Variants in OLFM3 observed in about 807,000 individuals in gnomAD.
OLFM3 encodes the protein olfactomedin 3, also known as noelin-3.
OLFM3 carries 20 observed loss-of-function variants against 48.6 expected under a neutral mutation model. The observed-to-expected ratio is 0.41, with a 90% CI of 0.29 to 0.60. The LOEUF is 0.60. OLFM3 is among the 20% of genes least tolerant of loss of function. The pLI is 0.28. For missense variants in OLFM3, 437 were observed against 544.3 expected (o/e 0.80, Z 1.96); for synonymous variants, 222 against 198.1 (o/e 1.12, Z -1.01).
chr1:101,927,991 G>A (rs957786806), intron 1 of OLFM3, among the ~76,000 whole-genome samples: 1 of 151,984 alleles, frequency 6.6e-6, no homozygotes, highest in Non-Finnish European at 1.5e-5. Flanking sequence ...ATATGTCAAA[G>A]AGAAGGTATA....
chr1:101,894,867 T>C (rs367611551), intron 1 of OLFM3, among the ~76,000 whole-genome samples: 8 of 152,300 alleles, frequency 5.3e-5, no homozygotes, highest in East Asian at 1.9e-4. Context: ...TCCAGTAGCA[T>C]GTTTGGAAAT....
intron 4 of OLFM3, among the ~76,000 whole-genome samples, chr1:101,818,920 A>G (rs2100884817): frequency 6.6e-6 from 1 of 152,230 alleles, no homozygotes; most frequent in South Asian, 2.1e-4. Flanking sequence ...ACTGTGTTTC[A>G]GGTATATTGC....
intron 1 of OLFM3, among the ~76,000 whole-genome samples, chr1:101,979,434 T>C (rs1396859643): frequency 6.6e-6 from 1 of 152,220 alleles, no homozygotes; most frequent in Admixed American, 6.5e-5. Flanking sequence ...TCTCCCATGC[T>C]GTTCTCGTGA....
intron 1 of OLFM3, among the ~76,000 whole-genome samples, chr1:101,965,639 T>C (rs998498142): frequency 3.3e-5 from 5 of 152,184 alleles, no homozygotes; most frequent in Non-Finnish European, 4.4e-5. Context: ...GCTAAGATAT[T>C]GTTCATAGGT....
At chr1:101,976,292 T>C (rs1294302822) in intron 1 of OLFM3, among the ~76,000 whole-genome samples, 2 of 152,226 alleles carry the variant, frequency 1.3e-5, no homozygotes, top group African/African-American at 4.8e-5. Flanking sequence ...TCTGACCTGG[T>C]ATTATCAGTA....
chr1:101,856,505 C>T (rs770144475), intron 1 of OLFM3, among the ~76,000 whole-genome samples: 10 of 151,892 alleles, frequency 6.6e-5, no homozygotes, highest in Non-Finnish European at 1.3e-4. Flanking sequence ...CAGTGACTTA[C>T]GTCTGAACAT....
intron 4 of OLFM3, among the ~76,000 whole-genome samples, chr1:101,810,636 T>G (rs1482965075): frequency 6.6e-6 from 1 of 151,924 alleles, no homozygotes; most frequent in Non-Finnish European, 1.5e-5. Flanking sequence ...AGGAAGTAGA[T>G]GAAAATGGAA....
intron 1 of OLFM3, among the ~76,000 whole-genome samples, chr1:101,871,734 AAT>A (rs1476432501): frequency 3.3e-5 from 5 of 152,092 alleles, no homozygotes; most frequent in East Asian, 1.9e-4. Context: ...ATACCATATA[AAT>A]ATGATTTATA....
chr1:101,860,666 G>A (rs1300703168), intron 1 of OLFM3, among the ~76,000 whole-genome samples: 1 of 151,940 alleles, frequency 6.6e-6, no homozygotes, highest in Non-Finnish European at 1.5e-5. Context: ...TCAACTTCAT[G>A]AAATCATGTA....
intron 1 of OLFM3, among the ~76,000 whole-genome samples, chr1:101,844,742 G>A (rs1655902357): frequency 6.6e-6 from 1 of 152,020 alleles, no homozygotes; most frequent in Admixed American, 6.5e-5. Context: ...TCTGACTTAA[G>A]ACCTCTTTTA....
intron 1 of OLFM3, among the ~76,000 whole-genome samples, chr1:101,977,473 A>G (rs1660986677): frequency 6.6e-6 from 1 of 152,162 alleles, no homozygotes; most frequent in African/African-American, 2.4e-5. Flanking sequence ...GGGAGACCTG[A>G]ACTGAACATG....
rs555012532 is a variant in OLFM3 at position 101,921,685 on chromosome 1, A to G, written c.69+75063T>C. On this transcript the variant is annotated intron_variant, in intron 1 of 5. Transcript: ENST00000370103. ...TACAACAAAATTTTTTGAGCATAAT[A>G]AATGCATTAAAGGTGCTATCTGATT... Among the ~76,000 whole-genome samples the G allele has an allele frequency of 5.1e-4, 78 of 152,320 alleles. 2 individuals carry two copies. The South Asian group carries it at 0.016, about 31-fold the overall frequency.
At chr1:101,983,192 T>C (rs1370570563) in intron 1 of OLFM3, among the ~76,000 whole-genome samples, 2 of 152,236 alleles carry the variant, frequency 1.3e-5, no homozygotes, top group Non-Finnish European at 2.9e-5. Context: ...ACTCAAGTCA[T>C]GTAAAAAAGC....
At chr1:101,973,036 A>G (rs1199806326) in intron 1 of OLFM3, among the ~76,000 whole-genome samples, 1 of 152,234 alleles carries the variant, frequency 6.6e-6, no homozygotes, top group African/African-American at 2.4e-5. Flanking sequence ...GGCTGTTTAA[A>G]TGTTTTAGAA....
At chr1:101,856,452 T>C (rs61149341) in intron 1 of OLFM3, among the ~76,000 whole-genome samples, 6,345 of 151,964 alleles carry the variant, frequency 0.042, 326 homozygotes, top group East Asian at 0.21. Context: ...AGTAACTCAA[T>C]TGAAAAACAA....
At chr1:101,897,374 T>C (rs759912105) in intron 1 of OLFM3, among the ~76,000 whole-genome samples, 17 of 152,206 alleles carry the variant, frequency 1.1e-4, no homozygotes, top group Non-Finnish European at 1.9e-4. Flanking sequence ...CTAGTATGTA[T>C]ACAATGAGCT....
At chr1:101,805,465 C>T (rs1362071682) in intron 5 of OLFM3, among the ~76,000 whole-genome samples, 1 of 151,648 alleles carries the variant, frequency 6.6e-6, no homozygotes, top group Non-Finnish European at 1.5e-5. Context: ...TTAGAAATAA[C>T]CCTAGAGAAT....
At chr1:101,958,587 T>C (rs1412959483) in intron 1 of OLFM3, among the ~76,000 whole-genome samples, 2 of 152,036 alleles carry the variant, frequency 1.3e-5, no homozygotes, top group African/African-American at 4.8e-5. Context: ...CTTTTTATCA[T>C]CTTAATTTTA....
chr1:101,883,006 C>G (rs527625260), intron 1 of OLFM3: 2 of 151,882 alleles, frequency 1.3e-5, no homozygotes, highest in Admixed American at 1.3e-4. Context: ...TTCCTTAGTT[C>G]AAGGCTTTGG....
Sources: gnomAD v4.1 joint callset for allele counts (sites outside exome capture counted in the v4.1 genomes callset) on GRCh38, gnomAD v4.1.1 for gene constraint, MANE v1.5 for transcripts, NCBI Gene and HGNC (gene_info 2026-07-23, HGNC 2026-07-21) for gene names.